PAG1: variants seen among roughly 807,000 people sequenced by gnomAD.
PAG1 encodes the protein phosphoprotein associated with glycosphingolipid-enriched microdomains 1.
Under a neutral mutation model 31.7 loss-of-function variants are expected in PAG1, and 23 were observed. The ratio of observed to expected loss-of-function variants is 0.73; its 90% confidence interval spans 0.52 to 1.03. PAG1 has a LOEUF of 1.03. Ranked by LOEUF, PAG1 falls within the 50% of genes least tolerant of loss-of-function variation. PAG1 has a pLI of 0.00. For synonymous variants in PAG1, 214 were observed against 210.3 expected (o/e 1.02, Z -0.15); for missense variants, 473 against 540.7 (o/e 0.87, Z 1.24).
At position 80,980,497 on chromosome 8, in the gene PAG1, G is replaced by T. The variant is rs1407494414; in HGVS notation, c.877-3C>A. ...TTGTATGACAATGAGCTAAATCTCT[G>T]TCAGAACAAACACAAGCCAAGGAAA... On this transcript the variant is annotated splice_region_variant and splice_polypyrimidine_tract_variant and intron_variant, in intron 7 of 8. Coordinates refer to ENST00000220597, the MANE Select transcript of PAG1 (RefSeq NM_018440.4). 6.3e-7 allele frequency: 1 copy of T among 1,591,890 alleles called. No individual in the cohort carries two copies. The highest frequency in any genetic ancestry group is 1.7e-5 in the Admixed American group (1 of 59,884).
At chr8:81,047,211 G>C (rs1404544739) in intron 2 of PAG1, among the ~76,000 whole-genome samples, 2 of 152,198 alleles carry the variant, frequency 1.3e-5, no homozygotes, top group Non-Finnish European at 2.9e-5. Context: ...TATATACCCA[G>C]TAATGGGGTT....
At chr8:81,103,449 C>A (rs1809641978) in intron 1 of PAG1, among the ~76,000 whole-genome samples, 1 of 152,164 alleles carries the variant, frequency 6.6e-6, no homozygotes, top group Non-Finnish European at 1.5e-5. Context: ...CCCATCTGAA[C>A]CCTGTATCTC....
At chr8:81,015,552 T>G (rs552076812) in intron 3 of PAG1, among the ~76,000 whole-genome samples, 1 of 109,432 alleles carries the variant, frequency 9.1e-6, no homozygotes, top group African/African-American at 2.5e-5. Flanking sequence ...CACTTGGAGG[T>G]TCATCTGATA....
chr8:81,056,877 AAAAC>A (rs1469896057), intron 2 of PAG1, among the ~76,000 whole-genome samples: 2 of 152,222 alleles, frequency 1.3e-5, no homozygotes, highest in African/African-American at 4.8e-5. Flanking sequence ...TTACAAGAAA[AAAAC>A]AAACAACCCC....
chr8:81,002,275 T>G (rs1342672457), intron 3 of PAG1, among the ~76,000 whole-genome samples: 2 of 152,164 alleles, frequency 1.3e-5, no homozygotes, highest in Non-Finnish European at 2.9e-5. Context: ...GCCAAGAGGT[T>G]CAAAAATGTA....
chr8:81,020,691 A>C (rs1054630136), intron 3 of PAG1, among the ~76,000 whole-genome samples: 1 of 152,216 alleles, frequency 6.6e-6, no homozygotes, highest in African/African-American at 2.4e-5. Flanking sequence ...ACAGACTAAT[A>C]CACGTGGCAA....
chr8:80,977,165 G>A (rs1326418936), intron 8 of PAG1, among the ~76,000 whole-genome samples: 4 of 152,228 alleles, frequency 2.6e-5, no homozygotes, highest in Admixed American at 6.5e-5. Context: ...CGAGGAATTT[G>A]AGGAGAGGTG....
At chr8:81,022,258 G>A (rs1217672581) in intron 3 of PAG1, among the ~76,000 whole-genome samples, 2 of 152,158 alleles carry the variant, frequency 1.3e-5, no homozygotes, top group Non-Finnish European at 2.9e-5. Flanking sequence ...TCAGAAAAAT[G>A]TTGCAACTTA....
At chr8:81,094,337 C>G (rs1488150896) in intron 1 of PAG1, among the ~76,000 whole-genome samples, 3 of 152,164 alleles carry the variant, frequency 2.0e-5, no homozygotes, top group South Asian at 4.1e-4. Context: ...AATGTGTTTT[C>G]AAGCCAGCTT....
chr8:81,022,793 G>A (rs1808212780), intron 3 of PAG1, among the ~76,000 whole-genome samples: 1 of 152,142 alleles, frequency 6.6e-6, no homozygotes. Context: ...GCTGGGACAG[G>A]AAATTATAGG....
At chr8:81,072,056 G>T (rs1809102059) in intron 1 of PAG1, among the ~76,000 whole-genome samples, 1 of 152,252 alleles carries the variant, frequency 6.6e-6, no homozygotes, top group Non-Finnish European at 1.5e-5. Flanking sequence ...TGAGATGTGT[G>T]CTCCTTCAGC....
At chr8:81,021,062 G>A (rs1808159103) in intron 3 of PAG1, among the ~76,000 whole-genome samples, 1 of 152,250 alleles carries the variant, frequency 6.6e-6, no homozygotes, top group African/African-American at 2.4e-5. Flanking sequence ...CCCGCTAGGG[G>A]CATCTGGAAG....
chr8:80,980,598 A>AT, intron 7 of PAG1, 104 bp from the exon 8 acceptor site: 1 of 730,246 alleles, frequency 1.4e-6, no homozygotes, highest in Non-Finnish European at 2.4e-6. Flanking sequence ...TTTTCAAATG[A>AT]TTTTTATGGA....
chr8:81,014,054 G>C (rs1190788045), intron 3 of PAG1, among the ~76,000 whole-genome samples: 1 of 152,028 alleles, frequency 6.6e-6, no homozygotes, highest in African/African-American at 2.4e-5. Flanking sequence ...ATATTTGTAG[G>C]GTTTGCCAGG....
chr8:80,982,077 GCTGGTTTCAAACAC>G, intron 7 of PAG1, among the ~76,000 whole-genome samples: 1 of 151,962 alleles, frequency 6.6e-6, no homozygotes, highest in African/African-American at 2.4e-5. Flanking sequence ...CATTGCCCAG[GCTGGTTTCAAACAC>G]CTGGTTTCAA....
At chr8:81,030,575 G>A (rs1020585380) in intron 2 of PAG1, among the ~76,000 whole-genome samples, 1 of 152,206 alleles carries the variant, frequency 6.6e-6, no homozygotes, top group Non-Finnish European at 1.5e-5. Flanking sequence ...TTGGTGCAGC[G>A]TGAACAGTGT....
intron 2 of PAG1, among the ~76,000 whole-genome samples, chr8:81,049,815 G>A (rs1032953356): frequency 6.6e-6 from 1 of 152,172 alleles, no homozygotes; most frequent in African/African-American, 2.4e-5. Flanking sequence ...AGACTGAGAG[G>A]TTCAGTGATA....
chr8:80,992,984 CA>C (rs1471769888), intron 4 of PAG1, 118 bp downstream of exon 4: 4 of 826,972 alleles, frequency 4.8e-6, no homozygotes, highest in Non-Finnish European at 7.4e-6. Context: ...AGCTAATGCA[CA>C]AGTTTCTGGG....
intron 2 of PAG1, among the ~76,000 whole-genome samples, chr8:81,069,512 CT>C (rs1809060303): frequency 6.6e-6 from 1 of 152,198 alleles, no homozygotes; most frequent in South Asian, 2.1e-4. Flanking sequence ...GACAGAATGT[CT>C]TTGTGTTAAC....
Sources: gnomAD v4.1 joint callset for allele counts (sites outside exome capture counted in the v4.1 genomes callset) on GRCh38, gnomAD v4.1.1 for gene constraint, MANE v1.5 for transcripts, NCBI Gene and HGNC (gene_info 2026-07-23, HGNC 2026-07-21) for gene names.